Variants in ADRA1A observed in about 807,000 individuals in gnomAD.
ADRA1A encodes the protein adrenoceptor alpha 1A.
Under a neutral mutation model 29.6 loss-of-function variants are expected in ADRA1A, and 31 were observed. The ratio of observed to expected loss-of-function variants is 1.05; its 90% CI spans 0.79 to 1.41. The LOEUF is 1.41. Among genes scored for constraint, ADRA1A ranks in the 40% most tolerant of loss-of-function variants. The pLI, the probability that ADRA1A is intolerant of heterozygous loss-of-function variation, is 0.00. For missense variants in ADRA1A, 619 were observed against 601.1 expected (o/e 1.03, Z -0.31); for synonymous variants, 311 against 254.3 (o/e 1.22, Z -2.12).
chr8:26,859,180 C>T, intron 2 of ADRA1A: 2 of 1,289,716 alleles, frequency 1.6e-6, no homozygotes, highest in African/African-American at 1.5e-5. Flanking sequence ...TCCAAAACAG[C>T]ACGTCATATT....
Position 26,796,712 on chromosome 8 carries a change from G to A in ADRA1A, c.884-26046C>T, listed in dbSNP as rs1213880512. 6.6e-6 allele frequency among the ~76,000 whole-genome samples: 1 copy of A among 152,124 alleles called. No individual in the cohort carries two copies. The highest frequency in any genetic ancestry group is 1.5e-5 in the Non-Finnish European group (1 of 68,018). On this transcript the variant is annotated intron_variant, in intron 2 of 2. Transcript: ENST00000380573. This position sits in a 1 kb window ranked among gnomAD's most constrained non-coding sequence, Gnocchi z 5.0. ...GAGGGTCAGTGTAAAAGTGGATAGAGAGATGATTAATTTCGAAAGGGGGGT... is the reference window on the plus strand; with the variant it reads ...GAGGGTCAGTGTAAAAGTGGATAGAAAGATGATTAATTTCGAAAGGGGGGT...
chr8:26,852,094 T>G (rs534059415), intron 2 of ADRA1A, among the ~76,000 whole-genome samples: 1 of 152,186 alleles, frequency 6.6e-6, no homozygotes, highest in Admixed American at 6.5e-5. Flanking sequence ...GGAGATAAAA[T>G]TACCAATGAT....
chr8:26,861,604 A>G (rs1271826077), intron 2 of ADRA1A, among the ~76,000 whole-genome samples: 1 of 151,998 alleles, frequency 6.6e-6, no homozygotes, highest in Non-Finnish European at 1.5e-5. Flanking sequence ...ATAACTCCCT[A>G]CTTGCCATCT....
At chr8:26,827,513 G>A (rs563395342) in intron 2 of ADRA1A, among the ~76,000 whole-genome samples, 1 of 152,184 alleles carries the variant, frequency 6.6e-6, no homozygotes, top group Non-Finnish European at 1.5e-5. Context: ...CAGCAGTTGC[G>A]GTGTCTGGTG....
chr8:26,795,136 A>G (rs1808106434), intron 2 of ADRA1A, among the ~76,000 whole-genome samples: 1 of 152,134 alleles, frequency 6.6e-6, no homozygotes, highest in Non-Finnish European at 1.5e-5. Flanking sequence ...GACTTCCTGG[A>G]GAAATGGCTG....
At chr8:26,855,413 TA>T (rs80130885) in intron 2 of ADRA1A, among the ~76,000 whole-genome samples, 6,645 of 138,974 alleles carry the variant, frequency 0.048, 183 homozygotes, top group Middle Eastern at 0.14. Flanking sequence ...AGCTTACCGA[TA>T]AAAAAAAAAA....
At chr8:26,752,745 C>T (rs181043510), downstream of ADRA1A, among the ~76,000 whole-genome samples, 360 of 152,266 alleles carry the variant, frequency 2.4e-3, 1 homozygote, top group African/African-American at 8.1e-3. Context: ...GAAGCAGATG[C>T]TCAGCTTTGT....
chr8:26,783,883 C>T (rs1807175797), intron 2 of ADRA1A, among the ~76,000 whole-genome samples: 1 of 152,114 alleles, frequency 6.6e-6, no homozygotes, highest in African/African-American at 2.4e-5. Context: ...TTTGCAGGGA[C>T]ATGGTTGGAG....
rs529112884 is a variant in ADRA1A at position 26,774,268 on chromosome 8, A to T, written c.884-3602T>A. On this transcript the variant is annotated intron_variant, in intron 2 of 2. Transcript: ENST00000380573. ...GTATTCTTCCCTTGTGATGGGGAAC[A>T]GGTGCTGGGAGCCATGTGATTTTCT... Among the ~76,000 whole-genome samples, 6 of 152,322 alleles carry T rather than the reference A, an allele frequency of 3.9e-5. No individual in the cohort carries two copies. The East Asian group carries it at 1.2e-3, about 29-fold the overall frequency.
Position 26,865,860 on chromosome 8 carries a change from A to G in ADRA1A, c.-686-205T>C, listed in dbSNP as rs2130805683. Among the ~76,000 whole-genome samples the G allele has an allele frequency of 6.6e-6, 1 of 152,142 alleles. No individual in the cohort carries two copies. The highest frequency in any genetic ancestry group is 6.5e-5 in the Admixed American group (1 of 15,284). On this transcript the variant is annotated intron_variant, in intron 1 of 2. Transcript: ENST00000380573. This position sits in a 1 kb window ranked among gnomAD's most constrained non-coding sequence, Gnocchi z 7.6. The stretch of plus-strand genomic sequence containing the variant: ...GGAACCTGCCTAGCGCACTCTACTG[A>G]GTCACCTCTGCCCGAGTTCAGGATC...
Position 26,774,753 on chromosome 8 carries a change from C to T in ADRA1A, c.884-4087G>A, listed in dbSNP as rs548861271. On this transcript the variant is annotated intron_variant, in intron 2 of 2. Coordinates refer to ENST00000380573, the MANE Select transcript of ADRA1A (RefSeq NM_000680.4). ...CCACGTATTTCTTCCTTTATTTTTC[C>T]TCTCCTAGAAAGGAGAGATGGGGCT... Among the ~76,000 whole-genome samples, 4 of 152,128 alleles carry T rather than the reference C, an allele frequency of 2.6e-5. 1 individual carries two copies. The South Asian group carries it at 8.3e-4, about 32-fold the overall frequency.
chr8:26,782,020 T>C (rs1210297609), intron 2 of ADRA1A, among the ~76,000 whole-genome samples: 1 of 152,232 alleles, frequency 6.6e-6, no homozygotes, highest in African/African-American at 2.4e-5. Flanking sequence ...TCTGGACAGT[T>C]CCGGGTCCTC....
At chr8:26,748,750 T>TAA (rs35884587) in intron 2 of ADRA1A, 2,416 of 302,134 alleles carry the variant, frequency 8.0e-3, no homozygotes, top group South Asian at 0.013. Context: ...AGACTTCGTC[T>TAA]AAAAAAAAAA....
At chr8:26,789,346 A>C (rs887348782) in intron 2 of ADRA1A, among the ~76,000 whole-genome samples, 7 of 152,216 alleles carry the variant, frequency 4.6e-5, no homozygotes, top group Admixed American at 2.6e-4. Flanking sequence ...GAGAATCCAG[A>C]AATCAATCCA....
intron 2 of ADRA1A, among the ~76,000 whole-genome samples, chr8:26,788,618 T>C (rs1040098103): frequency 2.6e-5 from 4 of 152,184 alleles, no homozygotes; most frequent in African/African-American, 9.7e-5. Context: ...CATCTCCTCA[T>C]ATCAACCATG....
intron 2 of ADRA1A, among the ~76,000 whole-genome samples, chr8:26,833,326 G>T (rs2130659454): frequency 6.6e-6 from 1 of 152,238 alleles, no homozygotes; most frequent in African/African-American, 2.4e-5. Context: ...TGAGAACTCT[G>T]ACTGCCTTCT....
Position 26,796,276 on chromosome 8 carries a change from A to G in ADRA1A, c.884-25610T>C, listed in dbSNP as rs1585707411. 1.3e-5 allele frequency among the ~76,000 whole-genome samples: 2 copies of G among 152,188 alleles called. No individual in the cohort carries two copies. Among genetic ancestry groups the G allele is most frequent in the African/African-American group, 4.8e-5 (2 of 41,460 alleles). On this transcript the variant is annotated intron_variant, in intron 2 of 2. Coordinates refer to ENST00000380573, the MANE Select transcript of ADRA1A (RefSeq NM_000680.4). The surrounding 1 kb of genome is among the most constrained non-coding windows in gnomAD (Gnocchi z 5.0). ...TCTACTTTTGTATGCATTTGATAAT[A>G]TCCATAATAAATACTTAAAATATTA... is the stretch of plus-strand genomic sequence containing the variant.
At chr8:26,771,253 C>T (rs1585651467) in intron 2 of ADRA1A, among the ~76,000 whole-genome samples, 1 of 152,338 alleles carries the variant, frequency 6.6e-6, no homozygotes, top group Non-Finnish European at 1.5e-5. Flanking sequence ...TTTGATGTCA[C>T]CGTTAGCTCC....
chr8:26,752,384 T>C (rs1804957629), downstream of ADRA1A, among the ~76,000 whole-genome samples: 1 of 152,182 alleles, frequency 6.6e-6, no homozygotes, highest in Non-Finnish European at 1.5e-5. Flanking sequence ...AAATGAGGTC[T>C]TTACCTGGCC....
Sources: allele counts gnomAD v4.1 joint callset (sites outside exome capture counted in the v4.1 genomes callset), GRCh38; gene constraint gnomAD v4.1.1; non-coding constraint Gnocchi (gnomAD v3.1); transcripts MANE v1.5; gene names NCBI Gene and HGNC (gene_info 2026-07-23, HGNC 2026-07-21).